The following TRIM14 variants were observed in gnomAD, a reference collection of about 807,000 sequenced individuals.
TRIM14 encodes tripartite motif containing 14.
A neutral mutation model predicts 44.5 loss-of-function variants in TRIM14; 28 were observed. The ratio of observed to expected loss-of-function variants is 0.63; its 90% CI spans 0.47 to 0.86. The LOEUF is 0.86. TRIM14 is among the 40% of genes least tolerant of loss of function. The pLI, the probability that TRIM14 is intolerant of heterozygous loss-of-function variation, is 0.00. For synonymous variants in TRIM14, 299 were observed against 269.2 expected, an observed-to-expected ratio of 1.11 and a Z score of -1.08; for missense variants, 607 against 611.1, an observed-to-expected ratio of 0.99 and a Z score of 0.07.
the TRIM14 span, among the ~76,000 whole-genome samples, chr9:98,044,586 A>C: frequency 1.8e-4 from 27 of 151,860 alleles, no homozygotes; most frequent in African/African-American, 6.3e-4. Flanking sequence ...GTTGGCCAGG[A>C]TGGTCTTGAT....
downstream of TRIM14, among the ~76,000 whole-genome samples, chr9:98,064,345 C>T (rs913274773): frequency 2.0e-5 from 3 of 152,118 alleles, no homozygotes; most frequent in Non-Finnish European, 4.4e-5. Flanking sequence ...CCTCCACCTC[C>T]CGGGTTCAAG....
intron 2 of TRIM14, among the ~76,000 whole-genome samples, chr9:98,105,605 C>G (rs1444278889): frequency 6.6e-6 from 1 of 152,054 alleles, no homozygotes; most frequent in Non-Finnish European, 1.5e-5. Context: ...AACAAAAAAA[C>G]AAACAAACAA....
At position 98,109,989 on chromosome 9, in the gene TRIM14, A is replaced by C; in HGVS notation, c.208-5T>G. On this transcript the variant is annotated splice_polypyrimidine_tract_variant and splice_region_variant and intron_variant, in intron 1 of 5. Transcript: ENST00000341469. ...TAAACATTCTTGGCTGAGTTTCTGT[A>C]CAGGAGGGAGTTAGGAAAAAAGTCG... 1.2e-6 allele frequency: 2 copies of C among 1,613,126 alleles called. No homozygotes were observed. The highest frequency in any genetic ancestry group is 1.7e-6 in the Non-Finnish European group (2 of 1,179,180).
the TRIM14 span, among the ~76,000 whole-genome samples, chr9:98,045,684 T>C: frequency 3.2e-3 from 489 of 152,330 alleles, 3 homozygotes; most frequent in African/African-American, 0.011. Context: ...CCTTTAAATT[T>C]AATTCAGCTG....
At chr9:98,080,633 G>A (rs955904258), downstream of TRIM14, among the ~76,000 whole-genome samples, 1 of 152,302 alleles carries the variant, frequency 6.6e-6, no homozygotes, top group Admixed American at 6.5e-5. Flanking sequence ...TGCATTTACA[G>A]CAACACTCAG....
the TRIM14 span, among the ~76,000 whole-genome samples, chr9:98,042,868 C>CAAA: frequency 8.9e-6 from 1 of 112,426 alleles, no homozygotes. Context: ...GACTCTACCT[C>CAAA]AAAAAAAAAA....
In TRIM14 at chr9:98,087,353, G is replaced by A. The variant is rs780400018; in HGVS notation, c.*117C>T. On this transcript the variant is annotated 3_prime_UTR_variant, in exon 6 of 6. Transcript: ENST00000341469. Reference sequence around the variant, plus strand: ...GCGTGATTGGTCGGGGAAAGCTGGGGCAGGGAGAGGGCCCTAAGAAGCAGG... The same window carrying A: ...GCGTGATTGGTCGGGGAAAGCTGGGACAGGGAGAGGGCCCTAAGAAGCAGG... 3.4e-6 allele frequency: 5 copies of A among 1,463,324 alleles called. No individual in the cohort carries two copies. The African/African-American group carries it at 4.2e-5, about 12-fold the overall frequency. The allele number at this position is 1,463,324 out of a possible 1,614,324, so 90.6% of individuals were successfully genotyped here.
intron 6 of TRIM14, among the ~76,000 whole-genome samples, chr9:98,072,649 T>G (rs1185749380): frequency 6.6e-6 from 1 of 152,106 alleles, no homozygotes; most frequent in African/African-American, 2.4e-5. Flanking sequence ...GACCTCATGA[T>G]CCACCCACCT....
Position 98,087,954 on chromosome 9 carries a change from A to T in TRIM14, c.845T>A (p.Leu282Gln). 6.4e-7 allele frequency: 1 copy of T among 1,564,474 alleles called. No homozygotes were observed. The highest frequency in any genetic ancestry group is 1.4e-5 in the African/African-American group (1 of 70,956). ...DPDTMHARLR[L>Q]SADRLTVRCG... ...GCGCACCGTCAGGCGATCGGCGGAC[A>T]GGCGCAGGCGCGCGTGCATCGTGTC... The change falls in exon 6 of 6, where the codon CTG becomes CAG. Residue 282 changes from leucine to glutamine, a missense_variant. Transcript: ENST00000341469.
At chr9:98,108,049 A>T (rs1020845291) in intron 2 of TRIM14, among the ~76,000 whole-genome samples, 7 of 151,702 alleles carry the variant, frequency 4.6e-5, no homozygotes, top group African/African-American at 1.7e-4. Flanking sequence ...TACATGTGAT[A>T]AGTTGACATA....
rs118124289 is a variant in TRIM14, at chr9:98,071,879, A to G, written c.*29-2192T>C. Among the ~76,000 whole-genome samples, 36 of 152,320 alleles carry G rather than the reference A, an allele frequency of 2.4e-4. No homozygotes were observed. In the East Asian group the frequency reaches 6.7e-3, roughly 29 times the overall value. The stretch of plus-strand genomic sequence containing the variant: ...GAGCTCCTGGATCTGACCTAGGAGA[A>G]AGGTGCCTCCTTGCCCGTGAGGCTG... On this transcript the variant is annotated intron_variant, in intron 6 of 6. Transcript: ENST00000375098.
chr9:98,100,296 A>G (rs1400436855), intron 2 of TRIM14, 132 bp from the exon 3 acceptor site: 2 of 738,204 alleles, frequency 2.7e-6, no homozygotes, highest in Non-Finnish European at 4.5e-6. Context: ...AGATCAACTT[A>G]TAAAAACCAA....
intron 4 of TRIM14, chr9:98,092,435 A>G: frequency 3.1e-6 from 1 of 327,214 alleles, no homozygotes; most frequent in East Asian, 8.4e-5. Context: ...GCCCCCCCAC[A>G]CCCTTCCCCC....
At chr9:98,057,922 G>GTTTTTTT in the TRIM14 span, among the ~76,000 whole-genome samples, 16 of 78,086 alleles carry the variant, frequency 2.0e-4, 1 homozygote, top group Non-Finnish European at 2.3e-4. Flanking sequence ...TTTTTTCCTG[G>GTTTTTTT]TTTTTTTTTT....
At chr9:98,077,599 C>A (rs1034023433) in intron 6 of TRIM14, among the ~76,000 whole-genome samples, 1 of 151,952 alleles carries the variant, frequency 6.6e-6, no homozygotes, top group Non-Finnish European at 1.5e-5. Flanking sequence ...ATTACTGTGG[C>A]CCCAGCTACT....
the TRIM14 span, chr9:98,060,964 T>A: frequency 6.2e-7 from 1 of 1,614,016 alleles, no homozygotes; most frequent in Admixed American, 1.7e-5. Flanking sequence ...CCGAGGAGGT[T>A]GGGATCTTCT....
At chr9:98,056,768 A>C in the TRIM14 span, 1 of 1,600,252 alleles carries the variant, frequency 6.2e-7, no homozygotes, top group Non-Finnish European at 8.5e-7. Flanking sequence ...CGGCGGCCGG[A>C]CCCAGACTGG....
the TRIM14 span, among the ~76,000 whole-genome samples, chr9:98,057,921 G>GT: frequency 4.6e-3 from 403 of 87,446 alleles, 4 homozygotes; most frequent in African/African-American, 0.013. Context: ...TTTTTTTCCT[G>GT]GTTTTTTTTT....
intron 6 of TRIM14, among the ~76,000 whole-genome samples, chr9:98,077,861 A>C (rs1238880281): frequency 1.3e-5 from 2 of 152,230 alleles, no homozygotes; most frequent in Non-Finnish European, 2.9e-5. Context: ...CTCTTGAATC[A>C]GCACTCATTC....
Sources: allele counts gnomAD v4.1 joint callset (sites outside exome capture counted in the v4.1 genomes callset), GRCh38; gene constraint gnomAD v4.1.1; transcripts MANE v1.5; gene names NCBI Gene and HGNC (gene_info 2026-07-23, HGNC 2026-07-21).